Variants in GLIS3 observed in about 807,000 individuals in gnomAD.
The protein encoded by GLIS3 is GLIS family zinc finger 3.
In GLIS3, 53 loss-of-function variants were observed where a neutral mutation model predicts 78.6. That is an observed-to-expected ratio of 0.67 (90% confidence interval 0.54 to 0.85). The LOEUF (loss-of-function observed/expected upper bound fraction) is 0.85, where lower values mean the gene tolerates loss of function less well. GLIS3 is among the 40% of genes least tolerant of loss of function. The pLI, the probability that GLIS3 is intolerant of heterozygous loss-of-function variation, is 0.00. For missense variants in GLIS3, 1,703 were observed against 1,231.1 expected, an observed-to-expected ratio of 1.38 and a Z score of -5.74; for synonymous variants, 684 against 509.9, an observed-to-expected ratio of 1.34 and a Z score of -4.60.
At chr9:3,876,685 G>GGGAGGGAC (rs1229220454) in intron 8 of GLIS3, among the ~76,000 whole-genome samples, 1 of 13,656 alleles carries the variant, frequency 7.3e-5, no homozygotes, top group Non-Finnish European at 2.2e-4. Flanking sequence ...AGAGAAGGAA[G>GGGAGGGAC]GGAGGGAGGG....
intron 2 of GLIS3, among the ~76,000 whole-genome samples, chr9:4,196,131 G>C (rs1818819877): frequency 6.6e-6 from 1 of 151,874 alleles, no homozygotes; most frequent in Non-Finnish European, 1.5e-5. Flanking sequence ...TCTGTGTCTA[G>C]CTAATCTAGT....
the GLIS3 span, among the ~76,000 whole-genome samples, chr9:4,401,412 A>G: frequency 2.0e-5 from 3 of 150,398 alleles, no homozygotes; most frequent in South Asian, 6.3e-4. Context: ...GGCTTAAGCC[A>G]CCACGCCCAG....
intron 4 of GLIS3, among the ~76,000 whole-genome samples, chr9:4,114,636 C>T (rs531361572): frequency 5.9e-5 from 9 of 152,208 alleles, no homozygotes; most frequent in African/African-American, 1.7e-4. Context: ...TGAATGGAGT[C>T]GGGTATTTTA....
intron 2 of GLIS3, among the ~76,000 whole-genome samples, chr9:4,205,252 C>G (rs1819768876): frequency 8.0e-6 from 1 of 124,644 alleles, no homozygotes; most frequent in Admixed American, 8.0e-5. Context: ...TCAAAACCCT[C>G]TCTCTCTCTC....
chr9:4,109,462 C>G (rs753046259), intron 4 of GLIS3, among the ~76,000 whole-genome samples: 9 of 152,156 alleles, frequency 5.9e-5, no homozygotes, highest in Non-Finnish European at 1.3e-4. Context: ...ACGTGTTTCC[C>G]TAGCTGATCA....
At chr9:4,245,636 C>G (rs1045889305) in intron 2 of GLIS3, among the ~76,000 whole-genome samples, 2 of 152,180 alleles carry the variant, frequency 1.3e-5, no homozygotes, top group African/African-American at 4.8e-5. Context: ...ACTCCAATGG[C>G]ACGGAGAAAG....
intron 6 of GLIS3, among the ~76,000 whole-genome samples, chr9:3,903,379 T>C (rs1340560753): frequency 1.3e-5 from 2 of 152,250 alleles, no homozygotes; most frequent in Non-Finnish European, 2.9e-5. Flanking sequence ...AAGCCTTGAC[T>C]GCTCTTTGCG....
chr9:3,949,075 C>T (rs1816495568), intron 4 of GLIS3, among the ~76,000 whole-genome samples: 1 of 152,148 alleles, frequency 6.6e-6, no homozygotes, highest in Non-Finnish European at 1.5e-5. Context: ...GTTATTTAAC[C>T]AAGTATTCCC....
At chr9:4,372,787 T>C in the GLIS3 span, among the ~76,000 whole-genome samples, 2 of 152,190 alleles carry the variant, frequency 1.3e-5, no homozygotes, top group African/African-American at 2.4e-5. Context: ...CATCTAACTT[T>C]TGAAGGAATC....
intron 2 of GLIS3, among the ~76,000 whole-genome samples, chr9:4,213,557 A>C (rs1273677118): frequency 6.6e-6 from 1 of 152,186 alleles, no homozygotes; most frequent in Non-Finnish European, 1.5e-5. Flanking sequence ...TAAGAAATTG[A>C]ATTTTTAATT....
chr9:4,451,244 G>C, the GLIS3 span, among the ~76,000 whole-genome samples: 1 of 152,098 alleles, frequency 6.6e-6, no homozygotes, highest in Non-Finnish European at 1.5e-5. Context: ...GATCAAAAGA[G>C]ACAAAGAAGG....
intron 7 of GLIS3, among the ~76,000 whole-genome samples, chr9:3,880,586 TGGATTTTTTAAAAAAATAAATCAGGTTCA>T (rs1483047258): frequency 6.6e-6 from 1 of 152,200 alleles, no homozygotes; most frequent in Non-Finnish European, 1.5e-5. Flanking sequence ...AAAGAATAAA[TGGATTTTTTAAAAAAATAAATCAGGTTCA>T]GGATTAAGAA....
intron 4 of GLIS3, among the ~76,000 whole-genome samples, chr9:4,057,487 A>G (rs947892568): frequency 6.6e-6 from 1 of 152,188 alleles, no homozygotes; most frequent in African/African-American, 2.4e-5. Context: ...TCACAGAAAA[A>G]TTAAAAGCAG....
At chr9:4,312,624 G>C (rs558282860) in intron 2 of GLIS3, among the ~76,000 whole-genome samples, 10 of 152,198 alleles carry the variant, frequency 6.6e-5, no homozygotes, top group Admixed American at 3.3e-4. Context: ...GATTGCACTT[G>C]CATTCCTTGT....
intron 4 of GLIS3, among the ~76,000 whole-genome samples, chr9:3,941,263 G>A (rs628338): frequency 0.23 from 35,237 of 152,152 alleles, 4,230 homozygotes; most frequent in African/African-American, 0.27. Flanking sequence ...TAGGATGGAA[G>A]AGGCATCTCC....
intron 9 of GLIS3, among the ~76,000 whole-genome samples, chr9:3,834,890 G>C (rs1312126293): frequency 1.3e-5 from 2 of 152,192 alleles, no homozygotes; most frequent in Non-Finnish European, 2.9e-5. Flanking sequence ...TGAAGCAGCA[G>C]CAGAAGAAAG....
chr9:3,870,387 T>A (rs947492944), intron 8 of GLIS3, among the ~76,000 whole-genome samples: 2 of 152,126 alleles, frequency 1.3e-5, no homozygotes, highest in Non-Finnish European at 2.9e-5. Context: ...AATTAAAAAT[T>A]TTCTTGAAAC....
chr9:4,471,309 G>A, the GLIS3 span, among the ~76,000 whole-genome samples: 3 of 152,146 alleles, frequency 2.0e-5, no homozygotes, highest in Admixed American at 6.5e-5. Context: ...ACAATCCTAA[G>A]CCAAAAGAAC....
At chr9:4,302,592 T>C (rs1345439026), upstream of GLIS3, among the ~76,000 whole-genome samples, 1 of 152,252 alleles carries the variant, frequency 6.6e-6, no homozygotes, top group East Asian at 1.9e-4. Context: ...AAATGTATGA[T>C]GTGGCTATGA....
Sources: gnomAD v4.1 joint callset for allele counts (sites outside exome capture counted in the v4.1 genomes callset) on GRCh38, gnomAD v4.1.1 for gene constraint, MANE v1.5 for transcripts, NCBI Gene and HGNC (gene_info 2026-07-23, HGNC 2026-07-21) for gene names.